The following WWOX variants were observed in gnomAD, a reference collection of about 807,000 sequenced individuals.
WWOX encodes WW domain containing oxidoreductase, also known as WW domain-containing oxidoreductase.
In WWOX, 69 loss-of-function variants were observed where a neutral mutation model predicts 46.2. The ratio of observed to expected loss-of-function variants is 1.49; its 90% CI spans 1.23 to 1.82. The LOEUF is 1.82. Ranked by LOEUF, WWOX falls within the 40% of genes most tolerant of loss-of-function variation. The pLI is 0.00. For missense variants in WWOX, 919 were observed against 542.6 expected (o/e 1.69, Z -6.89); for synonymous variants, 359 against 202.6 (o/e 1.77, Z -6.56).
intron 8 of WWOX, among the ~76,000 whole-genome samples, chr16:78,701,978 A>T (rs111845764): frequency 4.3e-5 from 6 of 139,966 alleles, no homozygotes; most frequent in African/African-American, 1.6e-4. Flanking sequence ...TGAGCCCAGG[A>T]GTTGGAGACT....
intron 8 of WWOX, among the ~76,000 whole-genome samples, chr16:78,819,656 C>T (rs1401079398): frequency 6.6e-6 from 1 of 152,214 alleles, no homozygotes; most frequent in Admixed American, 6.5e-5. Context: ...AAGTTGCTAA[C>T]ACCACCACCT....
intron 8 of WWOX, among the ~76,000 whole-genome samples, chr16:78,466,874 T>C (rs1389946703): frequency 1.3e-5 from 2 of 152,262 alleles, no homozygotes; most frequent in East Asian, 3.9e-4. Context: ...AAAATTTTTT[T>C]CTTCCATCTG....
rs144178321 is a variant in WWOX at position 78,591,001 on chromosome 16, G to A, written c.1056+158249G>A. 2.9e-3 allele frequency among the ~76,000 whole-genome samples: 442 copies of A among 152,208 alleles called. 3 individuals are homozygous for A. Among genetic ancestry groups the A allele is most frequent in the African/African-American group, 0.01 (424 of 41,532 alleles). The stretch of plus-strand genomic sequence containing the variant: ...ATGCTCTGGGGTACACGTACAAGGC[G>A]CTCAACTCACGGTGGCTCCACCAGT... On this transcript the variant is annotated intron_variant, in intron 8 of 8. Transcript: ENST00000566780.
chr16:78,265,088 C>A (rs2079334964), intron 5 of WWOX, among the ~76,000 whole-genome samples: 1 of 150,942 alleles, frequency 6.6e-6, no homozygotes, highest in African/African-American at 2.4e-5. Context: ...CCAACCTCTG[C>A]CTGCCTGGTT....
chr16:78,592,495 C>G (rs2045375006), intron 8 of WWOX, among the ~76,000 whole-genome samples: 1 of 152,190 alleles, frequency 6.6e-6, no homozygotes, highest in African/African-American at 2.4e-5. Context: ...CCTCAAGCCC[C>G]TGGACTCGCA....
At chr16:79,197,808 A>G (rs1449256320) in intron 8 of WWOX, among the ~76,000 whole-genome samples, 1 of 152,180 alleles carries the variant, frequency 6.6e-6, no homozygotes, top group Non-Finnish European at 1.5e-5. Context: ...AGGCAGTTTC[A>G]TCCCACCATG....
At chr16:78,749,674 T>A (rs1393106062) in intron 8 of WWOX, among the ~76,000 whole-genome samples, 1 of 152,204 alleles carries the variant, frequency 6.6e-6, no homozygotes, top group African/African-American at 2.4e-5. Flanking sequence ...GGAAAAATTA[T>A]AGACCTCAAA....
chr16:79,144,823 A>G (rs1289386531), intron 8 of WWOX, among the ~76,000 whole-genome samples: 2 of 152,204 alleles, frequency 1.3e-5, no homozygotes, highest in Non-Finnish European at 2.9e-5. Context: ...GAGAGACCAC[A>G]TTTATGTAAC....
At chr16:78,502,288 T>G (rs570139129) in intron 8 of WWOX, among the ~76,000 whole-genome samples, 18 of 152,214 alleles carry the variant, frequency 1.2e-4, no homozygotes, top group Non-Finnish European at 2.5e-4. Flanking sequence ...CAATCAGTTT[T>G]AGAACATTTT....
At chr16:78,496,638 G>A (rs1476826367) in intron 8 of WWOX, among the ~76,000 whole-genome samples, 1 of 152,206 alleles carries the variant, frequency 6.6e-6, no homozygotes, top group Non-Finnish European at 1.5e-5. Context: ...AGGGAGGGAT[G>A]CATTCTATGC....
intron 6 of WWOX, among the ~76,000 whole-genome samples, chr16:78,412,303 G>C (rs966416698): frequency 6.6e-6 from 1 of 152,200 alleles, no homozygotes; most frequent in Non-Finnish European, 1.5e-5. Context: ...TGTGAGGAGA[G>C]AAGATGAAGA....
intron 8 of WWOX, among the ~76,000 whole-genome samples, chr16:78,770,755 C>G (rs2050045203): frequency 6.6e-6 from 1 of 150,960 alleles, no homozygotes; most frequent in African/African-American, 2.4e-5. Flanking sequence ...GCAGCGCCCT[C>G]TACTGGCGAA....
intron 8 of WWOX, among the ~76,000 whole-genome samples, chr16:78,833,475 A>G (rs1002435123): frequency 1.3e-5 from 2 of 151,506 alleles, no homozygotes; most frequent in Non-Finnish European, 2.9e-5. Flanking sequence ...CTTCCTCATC[A>G]TTGTCCTCTT....
intron 8 of WWOX, among the ~76,000 whole-genome samples, chr16:78,453,572 G>A (rs549726813): frequency 6.6e-6 from 1 of 152,298 alleles, no homozygotes; most frequent in South Asian, 2.1e-4. Context: ...ACAGGCATAT[G>A]CAGTTAGAAA....
chr16:78,535,038 A>C (rs1337198905), intron 8 of WWOX: 1 of 152,250 alleles, frequency 6.6e-6, no homozygotes, highest in African/African-American at 2.4e-5. Flanking sequence ...AAGACTATAC[A>C]CTGATATCCC....
chr16:78,775,921 G>A (rs1444428151), intron 8 of WWOX, among the ~76,000 whole-genome samples: 2 of 152,144 alleles, frequency 1.3e-5, no homozygotes, highest in Non-Finnish European at 2.9e-5. Context: ...TCAAAGACAA[G>A]GTCAGTCAGT....
intron 5 of WWOX, among the ~76,000 whole-genome samples, chr16:78,184,412 C>G (rs935153562): frequency 6.6e-6 from 1 of 151,988 alleles, no homozygotes; most frequent in Admixed American, 6.6e-5. Context: ...GCCAGGACCC[C>G]TGTGTAGAAA....
chr16:79,097,005 A>C (rs757192055), intron 8 of WWOX, among the ~76,000 whole-genome samples: 7 of 152,044 alleles, frequency 4.6e-5, no homozygotes, highest in Admixed American at 1.3e-4. Context: ...TGGGTTTTGC[A>C]ACTTTCTGTG....
intron 8 of WWOX, among the ~76,000 whole-genome samples, chr16:78,875,290 T>C (rs994808218): frequency 6.6e-6 from 1 of 152,172 alleles, no homozygotes; most frequent in Non-Finnish European, 1.5e-5. Flanking sequence ...AGGTTTCTGT[T>C]AAAAACCCCA....
Sources: allele counts gnomAD v4.1 joint callset (sites outside exome capture counted in the v4.1 genomes callset), GRCh38; gene constraint gnomAD v4.1.1; transcripts MANE v1.5; gene names NCBI Gene and HGNC (gene_info 2026-07-23, HGNC 2026-07-21).